EXOC4: variants seen among roughly 807,000 people sequenced by gnomAD.
The protein encoded by EXOC4 is exocyst complex component 4.
A neutral mutation model predicts 107.2 loss-of-function variants in EXOC4; 71 were observed. That is an observed-to-expected ratio of 0.66 (90% CI 0.55 to 0.81). The LOEUF is 0.81. Among genes scored for constraint, EXOC4 ranks in the 30% least tolerant of loss-of-function variants. The pLI, the probability that EXOC4 is intolerant of heterozygous loss-of-function variation, is 0.00. For synonymous variants in EXOC4, 456 were observed against 441.2 expected (o/e 1.03, Z -0.42); for missense variants, 1,108 against 1,189.6 (o/e 0.93, Z 1.01).
intron 5 of EXOC4, among the ~76,000 whole-genome samples, chr7:133,336,956 A>T (rs997442811): frequency 6.6e-6 from 1 of 151,806 alleles, no homozygotes; most frequent in Non-Finnish European, 1.5e-5. Context: ...GATTGTCTTG[A>T]TCTCCTGACC....
chr7:133,388,308 T>C (rs1018987152), intron 7 of EXOC4, among the ~76,000 whole-genome samples: 9 of 152,192 alleles, frequency 5.9e-5, no homozygotes, highest in Non-Finnish European at 1.2e-4. Flanking sequence ...GTTTTATCTA[T>C]ATTTTAATAT....
At chr7:133,642,450 C>T (rs1211389805) in intron 10 of EXOC4, among the ~76,000 whole-genome samples, 1 of 152,160 alleles carries the variant, frequency 6.6e-6, no homozygotes, top group African/African-American at 2.4e-5. Context: ...CCTTTGGGAT[C>T]CAGATCAAAA....
intron 1 of EXOC4, among the ~76,000 whole-genome samples, chr7:133,265,537 G>T (rs1793709232): frequency 6.6e-6 from 1 of 152,114 alleles, no homozygotes; most frequent in African/African-American, 2.4e-5. Context: ...GGCCCATTTT[G>T]AGTACTTTTA....
intron 14 of EXOC4, among the ~76,000 whole-genome samples, chr7:133,990,339 A>T (rs1794223163): frequency 1.5e-5 from 2 of 131,156 alleles, no homozygotes; most frequent in Non-Finnish European, 3.1e-5. Context: ...TTCCCTGTTC[A>T]GGTCCCACAT....
chr7:133,347,216 A>C (rs574303196), intron 5 of EXOC4, among the ~76,000 whole-genome samples: 1 of 151,886 alleles, frequency 6.6e-6, no homozygotes, highest in South Asian at 2.1e-4. Context: ...TAGGCTGTGT[A>C]ATCAAGGATA....
chr7:134,053,714 A>T (rs1795854462), intron 17 of EXOC4, among the ~76,000 whole-genome samples: 1 of 151,826 alleles, frequency 6.6e-6, no homozygotes, highest in South Asian at 2.1e-4. Flanking sequence ...TGGTCAGGGA[A>T]AACCTCACTT....
At chr7:133,561,045 A>G (rs188055444) in intron 9 of EXOC4, among the ~76,000 whole-genome samples, 156 of 152,184 alleles carry the variant, frequency 1.0e-3, no homozygotes, top group African/African-American at 3.5e-3. Context: ...GATGACTGCT[A>G]CTAGGACAGT....
At chr7:133,386,965 G>A (rs1385882796) in intron 7 of EXOC4, among the ~76,000 whole-genome samples, 1 of 152,160 alleles carries the variant, frequency 6.6e-6, no homozygotes, top group Non-Finnish European at 1.5e-5. Flanking sequence ...TTAAATGTAT[G>A]TATAATCTGG....
intron 9 of EXOC4, among the ~76,000 whole-genome samples, chr7:133,564,593 A>C (rs1800871419): frequency 6.6e-6 from 1 of 152,184 alleles, no homozygotes; most frequent in Admixed American, 6.5e-5. Context: ...AAATACGTTT[A>C]CCAAACCAAC....
At chr7:133,899,849 G>A (rs1799412206) in intron 12 of EXOC4, among the ~76,000 whole-genome samples, 1 of 148,546 alleles carries the variant, frequency 6.7e-6, no homozygotes, top group South Asian at 2.1e-4. Flanking sequence ...GGGTTCAAGT[G>A]ATTCTCTTGC....
chr7:133,842,786 T>G (rs1359216340), intron 11 of EXOC4, among the ~76,000 whole-genome samples: 1 of 152,238 alleles, frequency 6.6e-6, no homozygotes, highest in Non-Finnish European at 1.5e-5. Context: ...ATTTAAGTCT[T>G]TAATCCATCT....
Position 133,855,082 on chromosome 7 carries a change from A to AATAT in EXOC4, c.1734+37544_1734+37547dup, listed in dbSNP as rs1293998031. Among the ~76,000 whole-genome samples, 496 of 76,730 alleles carry AATAT rather than the reference A, an allele frequency of 6.5e-3. 18 individuals are homozygous for AATAT. The highest frequency in any genetic ancestry group is 0.032 in the African/African-American group (372 of 11,748). 50.3% of individuals were successfully genotyped at this position (76,730 alleles called of 152,430 possible). The stretch of plus-strand genomic sequence containing the variant: ...ATCTAAATATATCTAAATATATCTA[A>AATAT]ATATATATAAATATATATATAAATA... On this transcript the variant is annotated intron_variant, in intron 11 of 17. Coordinates refer to ENST00000253861, the MANE Select transcript of EXOC4 (RefSeq NM_021807.4).
intron 4 of EXOC4, among the ~76,000 whole-genome samples, chr7:133,312,131 G>T (rs1186471226): frequency 1.3e-5 from 2 of 152,074 alleles, no homozygotes; most frequent in Non-Finnish European, 1.5e-5. Context: ...TTGTTGGTAA[G>T]AAGAACAAAA....
chr7:133,876,223 T>A (rs1198496813), intron 11 of EXOC4, among the ~76,000 whole-genome samples: 1 of 37,478 alleles, frequency 2.7e-5, no homozygotes, highest in African/African-American at 1.5e-4. Flanking sequence ...AATGAAGAGG[T>A]GTGTGTGTGT....
chr7:133,344,901 A>G (rs1795750552), intron 5 of EXOC4, among the ~76,000 whole-genome samples: 1 of 152,208 alleles, frequency 6.6e-6, no homozygotes, highest in Admixed American at 6.5e-5. Flanking sequence ...AGCATGAGAT[A>G]TCACTTGCTG....
chr7:133,981,473 C>A (rs1793976429), intron 14 of EXOC4, among the ~76,000 whole-genome samples: 1 of 151,886 alleles, frequency 6.6e-6, no homozygotes, highest in Non-Finnish European at 1.5e-5. Flanking sequence ...TTAAAGAAGA[C>A]ATACATGCAG....
intron 10 of EXOC4, among the ~76,000 whole-genome samples, chr7:133,688,312 G>A (rs1794349789): frequency 6.6e-6 from 1 of 152,082 alleles, no homozygotes; most frequent in South Asian, 2.1e-4. Flanking sequence ...TTTTTCCTTT[G>A]ATCAATGCAT....
chr7:133,343,880 C>G (rs2150631296), intron 5 of EXOC4, among the ~76,000 whole-genome samples: 1 of 151,274 alleles, frequency 6.6e-6, no homozygotes, highest in East Asian at 2.0e-4. Context: ...GTGGTGCAAT[C>G]ATACCTCTCT....
At chr7:133,703,101 C>T (rs553690725) in intron 10 of EXOC4, among the ~76,000 whole-genome samples, 2 of 151,954 alleles carry the variant, frequency 1.3e-5, no homozygotes, top group African/African-American at 4.8e-5. Flanking sequence ...TTTTTTTTCT[C>T]ACTTGACATG....
Sources: gnomAD v4.1 joint callset for allele counts (sites outside exome capture counted in the v4.1 genomes callset) on GRCh38, gnomAD v4.1.1 for gene constraint, MANE v1.5 for transcripts, NCBI Gene and HGNC (gene_info 2026-07-23, HGNC 2026-07-21) for gene names.